Variants in ATG9B observed in about 807,000 individuals in gnomAD.
ATG9B encodes the protein autophagy-related protein 9B.
In ATG9B, 92 loss-of-function variants were observed where a neutral mutation model predicts 92.9. The ratio of observed to expected loss-of-function variants is 0.99; its 90% CI spans 0.84 to 1.18. The LOEUF (loss-of-function observed/expected upper bound fraction) is 1.18. Ranked by LOEUF, ATG9B falls within the 50% of genes most tolerant of loss-of-function variation. The pLI is 0.00. For synonymous variants in ATG9B, 599 were observed against 551.4 expected, an observed-to-expected ratio of 1.09 and a Z score of -1.21; for missense variants, 1,344 against 1,235.0, an observed-to-expected ratio of 1.09 and a Z score of -1.32.
At chr7:151,022,930 G>A (rs903628110) in intron 4 of ATG9B, 115 bp downstream of exon 4, 9 of 1,409,582 alleles carry the variant, frequency 6.4e-6, no homozygotes, top group Non-Finnish European at 8.8e-6. Context: ...TTGGTCCTAA[G>A]ACCAAAAGCT....
chr7:151,012,225 GTTT>G, downstream of ATG9B: 1 of 503,876 alleles, frequency 2.0e-6, no homozygotes, highest in African/African-American at 2.0e-5. Context: ...TTTGTTTTTT[GTTT>G]TTTTTTTAAT....
chr7:151,019,512 T>C, intron 5 of ATG9B, 138 bp from the exon 6 acceptor site: 1 of 1,165,422 alleles, frequency 8.6e-7, no homozygotes, highest in Non-Finnish European at 1.1e-6. Context: ...CCAAGCTACA[T>C]CGTCCCCCTC....
Position 151,017,791 on chromosome 7 carries a change from G to A in ATG9B, c.2052+80C>T, listed in dbSNP as rs929763071. ...ACAGGTAGCAAGCAATGGAGCCAGG[G>A]CTGGAACTCAGGTCTGCTCCCGAGA... On this transcript the variant is annotated intron_variant, in intron 8 of 13. Coordinates refer to ENST00000639579, the MANE Select transcript of ATG9B (RefSeq NM_001317056.2). 2.8e-6 allele frequency: 4 copies of A among 1,436,254 alleles called. No homozygotes were observed. In the African/African-American group the frequency reaches 5.8e-5, roughly 21 times the overall value. The allele number at this position is 1,436,254 out of a possible 1,614,324, so 89.0% of individuals were successfully genotyped here.
At chr7:151,013,930 CG>C, downstream of ATG9B, 2 of 1,596,894 alleles carry the variant, frequency 1.3e-6, no homozygotes, top group Non-Finnish European at 1.7e-6. Context: ...TGCGGAGGGG[CG>C]GGCCGGGCCT....
intron 3 of ATG9B, 46 bp from the exon 4 acceptor site, chr7:151,023,252 A>G: frequency 6.2e-7 from 1 of 1,612,942 alleles, no homozygotes; most frequent in South Asian, 1.1e-5. Context: ...GTGATCAGGG[A>G]CAGCCAGGTG....
Position 151,018,825 on chromosome 7 carries a change from G to A in ATG9B, c.1513C>T (p.Arg505Cys). ...LPHELRARLA[R>C]AYRPAAAFLR... is the part of the protein sequence containing the mutation. ...AAGGCGGCGGCGGGGCGGTAGGCGC[G>A]GGCCAGGCGCGCGCGCAGCTCGTGC... Residue 505 changes from arginine to cysteine, a missense_variant, in exon 6 of 14, where the codon CGC becomes TGC. Coordinates refer to ENST00000639579, the MANE Select transcript of ATG9B (RefSeq NM_001317056.2). This position sits in a 1 kb window ranked among gnomAD's most constrained non-coding sequence, Gnocchi z 4.7. The A allele has an allele frequency of 4.0e-6, 5 of 1,250,566 alleles. No individual in the cohort carries two copies. The highest frequency in any genetic ancestry group is 4.0e-6 in the Non-Finnish European group (4 of 1,001,198). 77.5% of individuals were successfully genotyped at this position (1,250,566 alleles called of 1,614,324 possible).
rs1584930701 is a variant in ATG9B, at chr7:151,021,441, C to T, written c.822-112G>A. 8 of 1,406,220 alleles carry T rather than the reference C, an allele frequency of 5.7e-6. No homozygotes were observed. In the East Asian group the frequency reaches 2.0e-4, roughly 36 times the overall value. 87.1% of individuals were successfully genotyped at this position (1,406,220 alleles called of 1,614,324 possible). ...CATGAGGAGGGGGATCTAGCTAGACCAGCAGCTCTCAAGGTAGAGCCCGGG... is the reference window on the plus strand; with the variant it reads ...CATGAGGAGGGGGATCTAGCTAGACTAGCAGCTCTCAAGGTAGAGCCCGGG... On this transcript the variant is annotated intron_variant, in intron 4 of 13. Coordinates refer to ENST00000639579, the MANE Select transcript of ATG9B (RefSeq NM_001317056.2).
At chr7:151,019,413 C>T (rs770956326) in intron 5 of ATG9B, 39 bp from the exon 6 acceptor site, 5 of 1,496,046 alleles carry the variant, frequency 3.3e-6, no homozygotes, top group Admixed American at 2.3e-5. Flanking sequence ...ACCCCCCATT[C>T]CTCTCCACAG....
downstream of ATG9B, chr7:151,014,361 C>T (rs1040199580): frequency 4.8e-6 from 3 of 629,206 alleles, no homozygotes; most frequent in Non-Finnish European, 5.2e-6. Context: ...CCTGTTGCCT[C>T]GGGCCTGGGT....
In ATG9B at chr7:151,018,848, T is replaced by C. The variant is rs1795629926; in HGVS notation, c.1490A>G (p.His497Arg). Residue 497 changes from histidine (H) to arginine (R), a missense_variant, in exon 6 of 14, where the codon CAC (histidine) becomes CGC (arginine). By Grantham distance (29) the His-to-Arg change is conservative. Transcript: ENST00000639579. The surrounding 1 kb of genome is among the most constrained non-coding windows in gnomAD (Gnocchi z 4.7). ...LQLRHFNELP[H>R]ELRARLARAY... ...GCGGGCCAGGCGCGCGCGCAGCTCG[T>C]GCGGCAGCTCGTTGAAGTGGCGCAG... The C allele has an allele frequency of 2.3e-6, 3 of 1,305,160 alleles. No homozygotes were observed. 80.8% of individuals were successfully genotyped at this position (1,305,160 alleles called of 1,614,324 possible). A position where few individuals can be genotyped will look rare whatever the true frequency, so the allele number is the denominator to read the frequency against.
chr7:151,012,743 A>C (rs1795333263), downstream of ATG9B: 1 of 391,208 alleles, frequency 2.6e-6, no homozygotes, highest in Non-Finnish European at 4.7e-6. Flanking sequence ...GCTAAGACTC[A>C]AAGAAGAACT....
intron 13 of ATG9B, 80 bp from the exon 14 acceptor site, chr7:151,015,793 C>T: frequency 6.9e-7 from 1 of 1,443,808 alleles, no homozygotes; most frequent in Non-Finnish European, 9.2e-7. Flanking sequence ...CCCCAAATTC[C>T]CACCACTGCT....
chr7:151,024,153 G>C lies in ATG9B; in HGVS notation c.271C>G (p.Leu91Val). The C allele has an allele frequency of 1.3e-6, 2 of 1,569,972 alleles. No homozygotes were observed. Among genetic ancestry groups the C allele is most frequent in the Non-Finnish European group, 1.7e-6 (2 of 1,156,846 alleles). Residue 91 changes from leucine to valine, a missense_variant, in exon 1 of 14, where the codon CTC becomes GTC. Coordinates refer to ENST00000639579, the MANE Select transcript of ATG9B (RefSeq NM_001317056.2). The stretch of plus-strand genomic sequence containing the variant: ...GTTGGGGGGGTGGCTGGGATAGGGA[G>C]AGCACTGTGGCAAGACTGAGAAGCC... ...TGASQSCHSA[L>V]PIPATPPTQA...
Position 151,017,276 on chromosome 7 carries a change from T to C in ATG9B, c.2053-4A>G, listed in dbSNP as rs1250166466. 1 of 1,583,564 alleles carries C rather than the reference T, an allele frequency of 6.3e-7. No individual in the cohort carries two copies. The highest frequency in any genetic ancestry group is 1.4e-5 in the African/African-American group (1 of 74,066). ...CAGTCTGTCCCGCCGAGAGCCACTG[T>C]GAGCAAGGACAGTCTTTCAGGTGCT... On this transcript the variant is annotated splice_region_variant and splice_polypyrimidine_tract_variant and intron_variant, in intron 8 of 13. Transcript: ENST00000639579.
chr7:151,016,546 C>G lies in ATG9B; in HGVS notation c.2424-19G>C. ...CACAGAGCTGGAACATAACATGAAG[C>G]AGGTCAAAAGTCATGCCCTCCTCCC... is the stretch of plus-strand genomic sequence containing the variant. On this transcript the variant is annotated intron_variant, in intron 10 of 13. Coordinates refer to ENST00000639579, the MANE Select transcript of ATG9B (RefSeq NM_001317056.2). 6.5e-7 allele frequency: 1 copy of G among 1,548,748 alleles called. No individual in the cohort carries two copies. Among genetic ancestry groups the G allele is most frequent in the Non-Finnish European group, 8.7e-7 (1 of 1,145,978 alleles).
chr7:151,012,218 GTT>G, downstream of ATG9B: 2 of 522,030 alleles, frequency 3.8e-6, no homozygotes, highest in East Asian at 4.1e-5. Flanking sequence ...GTTGTTTTTT[GTT>G]TTTTGTTTTT....
Position 151,017,946 on chromosome 7 carries a change from G to C in ATG9B, c.1977C>G (p.Phe659Leu). 6.2e-7 allele frequency: 1 copy of C among 1,609,440 alleles called. No homozygotes were observed. The change falls in exon 8 of 14, where the codon TTC (phenylalanine) becomes TTG (leucine). Residue 659 changes from phenylalanine (F) to leucine (L), a missense_variant. Phe to Leu is a conservative substitution (Grantham distance 22, BLOSUM62 0). Coordinates refer to ENST00000639579, the MANE Select transcript of ATG9B (RefSeq NM_001317056.2). Reference protein sequence around the residue: ...ALEIIDFFHHFTVDVAGVGDI... With the variant: ...ALEIIDFFHHLTVDVAGVGDI... ...CCCCAACCCCAGCCACATCCACAGT[G>C]AAGTGATGAAAAAAGTCGATAATCT...
intron 5 of ATG9B, chr7:151,020,046 G>GA (rs1458036997): frequency 6.6e-6 from 1 of 152,240 alleles, no homozygotes; most frequent in Non-Finnish European, 1.5e-5. Context: ...GTTCGTGGGA[G>GA]AATCTCTCCT....
In ATG9B at chr7:151,018,941, A is replaced by G. The variant is rs1305996738; in HGVS notation, c.1397T>C (p.Val466Ala). The change falls in exon 6 of 14, where the codon GTG becomes GCG. Residue 466 changes from valine to alanine, a missense_variant. Coordinates refer to ENST00000639579, the MANE Select transcript of ATG9B (RefSeq NM_001317056.2). The surrounding 1 kb of genome is among the most constrained non-coding windows in gnomAD (Gnocchi z 4.7). ...WQVLHVFYSHVELLRREPGAL... is the reference protein window; with the variant it reads ...WQVLHVFYSHAELLRREPGAL... Reference sequence around the variant, plus strand: ...GCCAGGCTCGCGCCGCAGCAGCTCCACGTGGCTATAGAAGACGTGCAGAAC... The same window carrying G: ...GCCAGGCTCGCGCCGCAGCAGCTCCGCGTGGCTATAGAAGACGTGCAGAAC... 5.1e-6 allele frequency: 8 copies of G among 1,559,908 alleles called. No individual in the cohort carries two copies. In the African/African-American group the frequency reaches 5.6e-5, roughly 11 times the overall value.
Sources: gnomAD v4.1 joint callset for allele counts on GRCh38, gnomAD v4.1.1 for gene constraint, Gnocchi (gnomAD v3.1) non-coding constraint, MANE v1.5 for transcripts, NCBI Gene and HGNC (gene_info 2026-07-23, HGNC 2026-07-21) for gene names.